The following ZNF423 variants were observed in gnomAD, a reference collection of about 807,000 sequenced individuals.
ZNF423 encodes the protein Ebf-associated zinc finger protein.
In ZNF423, 12 loss-of-function variants were observed where a neutral mutation model predicts 95.8. The ratio of observed to expected loss-of-function variants is 0.13; its 90% confidence interval spans 0.08 to 0.20. ZNF423 has a LOEUF of 0.20. Ranked by LOEUF, ZNF423 falls within the 10% of genes least tolerant of loss-of-function variation. The pLI is 1.00. For missense variants in ZNF423, 1,316 were observed against 1,737.1 expected, an observed-to-expected ratio of 0.76 and a Z score of 4.31; for synonymous variants, 749 against 711.9, an observed-to-expected ratio of 1.05 and a Z score of -0.83.
At chr16:49,623,201 C>A (rs914615564) in intron 5 of ZNF423, among the ~76,000 whole-genome samples, 2 of 152,230 alleles carry the variant, frequency 1.3e-5, no homozygotes, top group South Asian at 2.1e-4. Context: ...CCAACTCCCA[C>A]GTTCCTGGGC....
intron 2 of ZNF423, among the ~76,000 whole-genome samples, chr16:49,750,265 C>A (rs1447034330): frequency 6.6e-6 from 1 of 152,190 alleles, no homozygotes; most frequent in African/African-American, 2.4e-5. Flanking sequence ...TTCCTAGGCA[C>A]AAAATTGTGA....
chr16:49,586,538 T>C (rs1300974772), intron 5 of ZNF423, among the ~76,000 whole-genome samples: 2 of 152,212 alleles, frequency 1.3e-5, no homozygotes, highest in South Asian at 2.1e-4. Context: ...AAGATATTCC[T>C]GGCCGCATCT....
At chr16:49,795,153 T>A (rs571603684) in intron 1 of ZNF423, among the ~76,000 whole-genome samples, 16 of 152,200 alleles carry the variant, frequency 1.1e-4, no homozygotes, top group Admixed American at 2.0e-4. Context: ...ATTACAGGCA[T>A]GAGTCACTGC....
intron 7 of ZNF423, among the ~76,000 whole-genome samples, chr16:49,514,200 ACACACACACACATG>A (rs755791185): frequency 4.7e-4 from 58 of 124,212 alleles, no homozygotes; most frequent in Non-Finnish European, 5.2e-4. Flanking sequence ...ACACACACAC[ACACACACACACATG>A]CACACGCACA....
chr16:49,786,729 C>T (rs1047450596), intron 2 of ZNF423, among the ~76,000 whole-genome samples: 2 of 152,156 alleles, frequency 1.3e-5, no homozygotes, highest in Admixed American at 6.5e-5. Context: ...CACAGCTTGC[C>T]GACTGGGGAC....
intron 3 of ZNF423, among the ~76,000 whole-genome samples, chr16:49,676,218 G>A (rs74421190): frequency 0.012 from 1,880 of 152,344 alleles, 37 homozygotes; most frequent in African/African-American, 0.043. Flanking sequence ...GACTGGAGGC[G>A]CAGCTCTGCC....
chr16:49,779,778 A>G (rs1230398983), intron 2 of ZNF423, among the ~76,000 whole-genome samples: 1 of 152,182 alleles, frequency 6.6e-6, no homozygotes, highest in Non-Finnish European at 1.5e-5. Flanking sequence ...AACACCAAAG[A>G]GAGGCCTTTC....
intron 1 of ZNF423, among the ~76,000 whole-genome samples, chr16:49,794,541 T>C (rs1382977005): frequency 1.3e-5 from 2 of 152,070 alleles, no homozygotes; most frequent in Non-Finnish European, 2.9e-5. Flanking sequence ...GGACTTCGAG[T>C]ACCCTCTGTT....
chr16:49,517,429 C>T (rs562094862), intron 7 of ZNF423, among the ~76,000 whole-genome samples: 1 of 152,300 alleles, frequency 6.6e-6, no homozygotes, highest in South Asian at 2.1e-4. Flanking sequence ...TGCAATCCAT[C>T]CAAGTCTTCT....
chr16:49,698,960 T>C (rs1391342232), intron 3 of ZNF423, among the ~76,000 whole-genome samples: 1 of 152,232 alleles, frequency 6.6e-6, no homozygotes, highest in Non-Finnish European at 1.5e-5. Context: ...ATATTATCTT[T>C]CTTGTAAAAT....
chr16:49,707,161 T>G (rs1490744486), intron 3 of ZNF423, among the ~76,000 whole-genome samples: 1 of 151,412 alleles, frequency 6.6e-6, no homozygotes, highest in African/African-American at 2.4e-5. Flanking sequence ...ACCCCCGGGG[T>G]CCCTGCCGGT....
intron 3 of ZNF423, among the ~76,000 whole-genome samples, chr16:49,692,721 C>T (rs1011548063): frequency 6.6e-6 from 1 of 152,262 alleles, no homozygotes; most frequent in African/African-American, 2.4e-5. Flanking sequence ...CACCCACTCA[C>T]AACATGCTAG....
intron 2 of ZNF423, among the ~76,000 whole-genome samples, chr16:49,745,381 T>C (rs1467492225): frequency 1.3e-5 from 2 of 152,192 alleles, no homozygotes; most frequent in African/African-American, 4.8e-5. Context: ...GGGGCAATAA[T>C]TCTATATTAG....
intron 5 of ZNF423, among the ~76,000 whole-genome samples, chr16:49,612,667 T>C (rs1971765266): frequency 6.6e-6 from 1 of 152,032 alleles, no homozygotes; most frequent in Non-Finnish European, 1.5e-5. Flanking sequence ...ATAGTGCCAG[T>C]AGGTCTAGCC....
intron 1 of ZNF423, among the ~76,000 whole-genome samples, chr16:49,799,720 A>G (rs2034552635): frequency 4.0e-5 from 6 of 151,604 alleles, no homozygotes; most frequent in Admixed American, 3.9e-4. Flanking sequence ...TAATAAAAAC[A>G]TGATGATGAT....
intron 2 of ZNF423, among the ~76,000 whole-genome samples, chr16:49,757,831 A>G (rs1449221287): frequency 6.6e-6 from 1 of 152,210 alleles, no homozygotes; most frequent in Admixed American, 6.5e-5. Flanking sequence ...CTGAAGGGGA[A>G]AGAAAGGGAA....
chr16:49,801,028 G>T (rs1023125919), intron 1 of ZNF423, among the ~76,000 whole-genome samples: 9 of 152,254 alleles, frequency 5.9e-5, no homozygotes, highest in African/African-American at 1.4e-4. Flanking sequence ...ATCAGGAACT[G>T]AGAAGAACTG....
chr16:49,777,864 G>A (rs2034145826), intron 2 of ZNF423, among the ~76,000 whole-genome samples: 1 of 152,180 alleles, frequency 6.6e-6, no homozygotes, highest in South Asian at 2.1e-4. Context: ...TCACTAGATG[G>A]TTATTATTTT....
At chr16:49,688,607 CCAAAA>C (rs2031660880) in intron 3 of ZNF423, among the ~76,000 whole-genome samples, 1 of 152,194 alleles carries the variant, frequency 6.6e-6, no homozygotes, top group African/African-American at 2.4e-5. Context: ...GCCAAGGTGA[CCAAAA>C]CAGCGGTACA....
Sources: allele counts gnomAD v4.1 joint callset (sites outside exome capture counted in the v4.1 genomes callset), GRCh38; gene constraint gnomAD v4.1.1; transcripts MANE v1.5; gene names NCBI Gene and HGNC (gene_info 2026-07-23, HGNC 2026-07-21).